Variants in DMD observed in about 807,000 individuals in gnomAD.
DMD encodes the protein mutant dystrophin.
A neutral mutation model predicts 330.1 loss-of-function variants in DMD; 63 were observed. The ratio of observed to expected loss-of-function variants is 0.19; its 90% CI spans 0.16 to 0.24. DMD has a LOEUF of 0.24. Ranked by LOEUF, DMD falls within the 10% of genes least tolerant of loss-of-function variation. The probability of loss-of-function intolerance (pLI) is 1.00; values close to 1 mark genes in which losing one functional copy is unlikely to be tolerated. For missense variants in DMD, 3,344 were observed against 2,684.1 expected (o/e 1.25, Z -5.43); for synonymous variants, 1,223 against 959.8 (o/e 1.27, Z -5.07).
At chrX:31,676,241 C>T (rs1028109834) in intron 53 of DMD, among the ~76,000 whole-genome samples, 5 of 111,941 alleles carry the variant, frequency 4.5e-5, no homozygotes, top group Admixed American at 9.5e-5. Flanking sequence ...CATTTAATGT[C>T]TCCTCCTGTC....
chrX:33,196,676 G>A lies in DMD; in HGVS notation c.31+14606C>T, dbSNP rs960097063. ...AAAGAAAAATTATTCTCAACACTTT[G>A]ACCCTCACCAAGAAACTTTATATAT... On this transcript the variant is annotated intron_variant, in intron 1 of 78. Coordinates refer to ENST00000357033, the MANE Select transcript of DMD (RefSeq NM_004006.3). 2.7e-5 allele frequency among the ~76,000 whole-genome samples: 3 copies of A among 111,588 alleles called. No individual in the cohort carries two copies. In the East Asian group the frequency reaches 8.4e-4, roughly 31 times the overall value.
At chrX:32,895,760 G>A (rs1311843589) in intron 2 of DMD, among the ~76,000 whole-genome samples, 1 of 111,184 alleles carries the variant, frequency 9.0e-6, no homozygotes, top group African/African-American at 3.3e-5. Context: ...AATTGAGGGT[G>A]GTAGAGAGAA....
chrX:33,056,687 T>C (rs1230329674), intron 1 of DMD, among the ~76,000 whole-genome samples: 1 of 111,664 alleles, frequency 9.0e-6, no homozygotes, highest in African/African-American at 3.3e-5. Flanking sequence ...ATAAATTCAT[T>C]CATTCATTCG....
intron 13 of DMD, among the ~76,000 whole-genome samples, chrX:32,577,450 C>G (rs1406843042): frequency 8.9e-6 from 1 of 112,237 alleles, no homozygotes; most frequent in Non-Finnish European, 1.9e-5. Flanking sequence ...AAATGTCTGT[C>G]GAATAATAAT....
At chrX:31,574,116 G>A (rs2075963075) in intron 55 of DMD, among the ~76,000 whole-genome samples, 1 of 106,935 alleles carries the variant, frequency 9.4e-6, no homozygotes, top group Non-Finnish European at 1.9e-5. Context: ...TAATTCCAGT[G>A]CAAAGGATGA....
chrX:32,904,858 G>A (rs1220940570), intron 2 of DMD, among the ~76,000 whole-genome samples: 1 of 112,426 alleles, frequency 8.9e-6, no homozygotes, highest in Non-Finnish European at 1.9e-5. Context: ...TTACAGGCAT[G>A]AGCCACTGCA....
At chrX:33,315,213 T>C (rs1277281504) in intron 1 of DMD, among the ~76,000 whole-genome samples, 1 of 112,437 alleles carries the variant, frequency 8.9e-6, no homozygotes, top group African/African-American at 3.2e-5. Flanking sequence ...CCTAATTTAA[T>C]CAAATCTGCA....
intron 62 of DMD, among the ~76,000 whole-genome samples, chrX:31,301,024 G>A (rs2054601592): frequency 8.9e-6 from 1 of 112,149 alleles, no homozygotes; most frequent in African/African-American, 3.2e-5. Flanking sequence ...TTGGATCCCT[G>A]GAGCAGATGC....
At chrX:32,685,487 T>A (rs1175354552) in intron 9 of DMD, among the ~76,000 whole-genome samples, 1 of 111,790 alleles carries the variant, frequency 8.9e-6, no homozygotes, top group Non-Finnish European at 1.9e-5. Flanking sequence ...CATGTTATAA[T>A]GAAGATAAAA....
intron 44 of DMD, among the ~76,000 whole-genome samples, chrX:32,190,262 T>C (rs2096967233): frequency 9.1e-6 from 1 of 110,276 alleles, no homozygotes; most frequent in Non-Finnish European, 1.9e-5. Flanking sequence ...CTTCTGAACT[T>C]TGACGTTTAC....
intron 43 of DMD, among the ~76,000 whole-genome samples, chrX:32,283,708 T>C (rs1392324003): frequency 8.9e-6 from 1 of 112,069 alleles, no homozygotes; most frequent in Non-Finnish European, 1.9e-5. Context: ...GCCTGCCATC[T>C]GCCTTGGTAA....
chrX:31,754,112 T>C (rs1310143679), intron 51 of DMD, among the ~76,000 whole-genome samples: 3 of 111,463 alleles, frequency 2.7e-5, no homozygotes, highest in Non-Finnish European at 5.7e-5. Context: ...ACTGATTTGC[T>C]TGAATTAACA....
intron 55 of DMD, among the ~76,000 whole-genome samples, chrX:31,520,318 G>A (rs2072628175): frequency 9.1e-6 from 1 of 110,286 alleles, no homozygotes; most frequent in South Asian, 4.0e-4. Flanking sequence ...TAGTGAGTGA[G>A]TTCTCATGAG....
intron 52 of DMD, among the ~76,000 whole-genome samples, chrX:31,729,110 C>T (rs2086304266): frequency 8.9e-6 from 1 of 112,009 alleles, no homozygotes; most frequent in African/African-American, 3.3e-5. Flanking sequence ...ATGGGTCTTA[C>T]CAAAGTTCCT....
intron 42 of DMD, among the ~76,000 whole-genome samples, chrX:32,302,078 G>A (rs1415304908): frequency 9.0e-6 from 1 of 110,747 alleles, no homozygotes; most frequent in African/African-American, 3.3e-5. Flanking sequence ...AACTAGCCTC[G>A]GAAATACACA....
chrX:33,134,805 C>T (rs1343021072), intron 1 of DMD, among the ~76,000 whole-genome samples: 1 of 111,728 alleles, frequency 9.0e-6, no homozygotes, highest in Non-Finnish European at 1.9e-5. Flanking sequence ...GTGGTAAGCC[C>T]ATTAATTTAT....
intron 29 of DMD, among the ~76,000 whole-genome samples, chrX:32,419,691 C>A (rs1169929531): frequency 1.8e-5 from 2 of 111,853 alleles, no homozygotes; most frequent in Non-Finnish European, 3.8e-5. Context: ...ATTTTCTTTA[C>A]CAGGAAAGAA....
intron 1 of DMD, among the ~76,000 whole-genome samples, chrX:33,031,608 T>C (rs1222562437): frequency 1.8e-5 from 2 of 110,633 alleles, no homozygotes; most frequent in African/African-American, 6.6e-5. Flanking sequence ...CCGTCTCTAC[T>C]AAAAATAAAA....
chrX:32,111,677 T>A (rs184321823), intron 44 of DMD, among the ~76,000 whole-genome samples: 43 of 111,473 alleles, frequency 3.9e-4, no homozygotes, highest in African/African-American at 1.3e-3. Context: ...GGTTATCATA[T>A]CAAGTCCCAA....
Sources: gnomAD v4.1 joint callset for allele counts (sites outside exome capture counted in the v4.1 genomes callset) on GRCh38, gnomAD v4.1.1 for gene constraint, MANE v1.5 for transcripts, NCBI Gene and HGNC (gene_info 2026-07-23, HGNC 2026-07-21) for gene names.